LRRK2: variants seen among roughly 807,000 people sequenced by gnomAD.
LRRK2 encodes leucine rich repeat kinase 2.
A neutral mutation model predicts 302.6 loss-of-function variants in LRRK2; 203 were observed. That is an observed-to-expected ratio of 0.67 (90% confidence interval 0.60 to 0.75). The LOEUF (loss-of-function observed/expected upper bound fraction) is 0.75, where lower values mean the gene tolerates loss of function less well. Ranked by LOEUF, LRRK2 falls within the 30% of genes least tolerant of loss-of-function variation. The pLI is 0.00. For synonymous variants in LRRK2, 1,066 were observed against 1,031.9 expected (o/e 1.03, Z -0.63); for missense variants, 2,830 against 2,951.0 (o/e 0.96, Z 0.95).
At chr12:40,243,777 TGACA>T in intron 7 of LRRK2, 96 bp downstream of exon 7, 1 of 1,143,192 alleles carries the variant, frequency 8.7e-7, no homozygotes, top group Non-Finnish European at 1.3e-6. Context: ...AGTAGCATAT[TGACA>T]TACTTTGAAT....
chr12:40,297,579 C>T (rs1163533790), intron 23 of LRRK2, among the ~76,000 whole-genome samples: 2 of 151,902 alleles, frequency 1.3e-5, no homozygotes, highest in Non-Finnish European at 1.5e-5. Flanking sequence ...TAGAGTTTCT[C>T]GTGTGGATAA....
In LRRK2 at chr12:40,368,690, C is replaced by CTTT. The variant is rs367772598; in HGVS notation, c.*934_*936dup. Reference sequence around the variant, plus strand: ...GATCCTACATCATTCAGATAGAAACCTTTTTTTTTTTCAGAATTATAGAAT... The same window carrying CTTT: ...GATCCTACATCATTCAGATAGAAACCTTTTTTTTTTTTTTCAGAATTATAGAAT... On this transcript the variant is annotated 3_prime_UTR_variant, in exon 51 of 51. Transcript: ENST00000298910. 0.15 allele frequency: 22,620 copies of CTTT among 146,698 alleles called. 1,788 individuals are homozygous for CTTT. Among genetic ancestry groups the CTTT allele is most frequent in the Middle Eastern group, 0.23 (66 of 286 alleles). 9.1% of individuals were successfully genotyped at this position (146,698 alleles called of 1,614,324 possible).
chr12:40,367,805 T>G lies in LRRK2; in HGVS notation c.*40T>G. 1.9e-6 allele frequency: 3 copies of G among 1,573,846 alleles called. No individual in the cohort carries two copies. Among genetic ancestry groups the G allele is most frequent in the Non-Finnish European group, 2.6e-6 (3 of 1,155,694 alleles). ...TTGTCTTTGGATAGGAAAATTATTC[T>G]CTCCTCTTGTAAATATTTATTTTAA... On this transcript the variant is annotated 3_prime_UTR_variant, in exon 51 of 51. Coordinates refer to ENST00000298910, the MANE Select transcript of LRRK2 (RefSeq NM_198578.4).
intron 14 of LRRK2, among the ~76,000 whole-genome samples, chr12:40,270,005 C>G (rs1302782531): frequency 1.3e-5 from 2 of 152,008 alleles, no homozygotes; most frequent in Non-Finnish European, 2.9e-5. Flanking sequence ...AGACTATGCA[C>G]CCTGGACAAG....
chr12:40,231,390 C>CAAAAAAA (rs10631840), intron 2 of LRRK2, among the ~76,000 whole-genome samples: 4 of 106,660 alleles, frequency 3.8e-5, no homozygotes, highest in African/African-American at 7.4e-5. Flanking sequence ...CCTGTCTTCA[C>CAAAAAAA]AAAAAAAAAA....
At chr12:40,251,150 C>A in intron 8 of LRRK2, 82 bp from the exon 9 acceptor site, 1 of 965,556 alleles carries the variant, frequency 1.0e-6, no homozygotes, top group South Asian at 1.7e-5. Flanking sequence ...GGTAATATTT[C>A]AAAATATGGA....
chr12:40,352,084 T>C (rs757201791), intron 44 of LRRK2, among the ~76,000 whole-genome samples: 1 of 152,212 alleles, frequency 6.6e-6, no homozygotes, highest in Non-Finnish European at 1.5e-5. Context: ...AGCTCTGGAA[T>C]ATGAATAGGA....
chr12:40,351,457 A>G, intron 43 of LRRK2, 82 bp from the exon 44 acceptor site: 2 of 1,368,380 alleles, frequency 1.5e-6, no homozygotes, highest in Non-Finnish European at 2.1e-6. Flanking sequence ...ACAGAGCTAT[A>G]ACACTTCAGT....
chr12:40,253,307 T>C (rs1381712867), intron 11 of LRRK2, among the ~76,000 whole-genome samples: 1 of 152,200 alleles, frequency 6.6e-6, no homozygotes, highest in Non-Finnish European at 1.5e-5. Flanking sequence ...TTATACTCTT[T>C]TATAACCAAA....
chr12:40,264,559 C>T (rs1942925511), intron 14 of LRRK2, among the ~76,000 whole-genome samples: 1 of 152,246 alleles, frequency 6.6e-6, no homozygotes, highest in Non-Finnish European at 1.5e-5. Flanking sequence ...GCAGAGGTTG[C>T]AGTGAGCTGA....
intron 14 of LRRK2, among the ~76,000 whole-genome samples, chr12:40,269,618 C>T (rs1943152817): frequency 6.6e-6 from 1 of 152,090 alleles, no homozygotes; most frequent in Non-Finnish European, 1.5e-5. Context: ...TCTTTCCTGA[C>T]AATACAATAC....
At chr12:40,259,459 A>C in intron 12 of LRRK2, 21 bp from the exon 13 acceptor site, 1 of 1,612,776 alleles carries the variant, frequency 6.2e-7, no homozygotes, top group Non-Finnish European at 8.5e-7. Context: ...TTCAATAAGC[A>C]TGCCAATTTT....
intron 18 of LRRK2, among the ~76,000 whole-genome samples, chr12:40,278,799 T>C (rs1487184365): frequency 6.6e-6 from 1 of 152,188 alleles, no homozygotes; most frequent in Non-Finnish European, 1.5e-5. Context: ...CATATATCTA[T>C]CTGATTGTTC....
chr12:40,275,276 C>T (rs770088003), intron 16 of LRRK2, among the ~76,000 whole-genome samples: 16 of 152,080 alleles, frequency 1.1e-4, no homozygotes, highest in Non-Finnish European at 1.8e-4. Context: ...TGAGTTTATT[C>T]GCTTAGATTT....
intron 23 of LRRK2, among the ~76,000 whole-genome samples, chr12:40,297,130 C>T (rs1944416063): frequency 6.6e-6 from 1 of 152,298 alleles, no homozygotes; most frequent in Admixed American, 6.5e-5. Context: ...TGAGATCTGA[C>T]ATATGGTAGA....
At chr12:40,319,684 G>A (rs569400295) in intron 33 of LRRK2, among the ~76,000 whole-genome samples, 2 of 152,200 alleles carry the variant, frequency 1.3e-5, no homozygotes, top group Non-Finnish European at 2.9e-5. Flanking sequence ...CAGATGTGAG[G>A]TATTGGATTG....
intron 39 of LRRK2, among the ~76,000 whole-genome samples, chr12:40,330,797 C>T (rs950054041): frequency 6.6e-6 from 1 of 152,114 alleles, no homozygotes; most frequent in African/African-American, 2.4e-5. Flanking sequence ...GGTCTATCAT[C>T]CATGTTTGAG....
At chr12:40,326,056 A>G (rs1270201286) in intron 38 of LRRK2, among the ~76,000 whole-genome samples, 1 of 152,218 alleles carries the variant, frequency 6.6e-6, no homozygotes, top group Non-Finnish European at 1.5e-5. Context: ...AGATGTCACA[A>G]ATACATAATA....
intron 18 of LRRK2, among the ~76,000 whole-genome samples, chr12:40,283,492 A>C (rs1174748281): frequency 6.6e-6 from 1 of 152,212 alleles, no homozygotes; most frequent in Non-Finnish European, 1.5e-5. Flanking sequence ...AGTAGTATTT[A>C]CTGTGTTAAG....
Sources: allele counts gnomAD v4.1 joint callset (sites outside exome capture counted in the v4.1 genomes callset), GRCh38; gene constraint gnomAD v4.1.1; transcripts MANE v1.5; gene names NCBI Gene and HGNC (gene_info 2026-07-23, HGNC 2026-07-21).